Variants in PLCL1 observed in about 807,000 individuals in gnomAD.
The protein encoded by PLCL1 is phospholipase C like 1 (inactive), also known as inactive phospholipase C-like protein 1.
PLCL1 carries 41 observed loss-of-function variants against 84.4 expected under a neutral mutation model. The observed-to-expected ratio is 0.49, with a 90% CI of 0.38 to 0.63. PLCL1 has a LOEUF of 0.63. Among genes scored for constraint, PLCL1 ranks in the 30% least tolerant of loss-of-function variants. The probability of loss-of-function intolerance (pLI) is 0.00; values close to 1 mark genes in which losing one functional copy is unlikely to be tolerated. For missense variants in PLCL1, 1,206 were observed against 1,367.8 expected (o/e 0.88, Z 1.87); for synonymous variants, 490 against 488.3 (o/e 1.00, Z -0.05).
intron 1 of PLCL1, among the ~76,000 whole-genome samples, chr2:198,041,572 C>G (rs1349043929): frequency 6.6e-6 from 1 of 152,084 alleles, no homozygotes; most frequent in Non-Finnish European, 1.5e-5. Context: ...ATGTAGGTTA[C>G]AGTGTTTGTG....
At chr2:198,030,200 G>T (rs564542850) in intron 1 of PLCL1, among the ~76,000 whole-genome samples, 2 of 151,360 alleles carry the variant, frequency 1.3e-5, no homozygotes, top group Non-Finnish European at 2.9e-5. Flanking sequence ...AGTATATGTT[G>T]TTCCCCTATA....
At chr2:198,146,358 G>A (rs912550153) in intron 5 of PLCL1, among the ~76,000 whole-genome samples, 1 of 152,150 alleles carries the variant, frequency 6.6e-6, no homozygotes, top group Non-Finnish European at 1.5e-5. Flanking sequence ...TGTACAGAGG[G>A]GGAGATTTTA....
chr2:198,109,631 C>T (rs1296591857), intron 5 of PLCL1, among the ~76,000 whole-genome samples: 2 of 151,844 alleles, frequency 1.3e-5, no homozygotes, highest in Non-Finnish European at 2.9e-5. Flanking sequence ...TACACTATAT[C>T]ACTGATAAAA....
chr2:198,089,620 C>T (rs1235670864), intron 3 of PLCL1, among the ~76,000 whole-genome samples: 2 of 152,086 alleles, frequency 1.3e-5, no homozygotes, highest in East Asian at 1.9e-4. Context: ...ATCATGTTTG[C>T]TTTTATTTCA....
chr2:198,105,899 ATATGCCACTTTTTATATTTTC>A (rs1693462758), intron 5 of PLCL1, among the ~76,000 whole-genome samples: 1 of 151,938 alleles, frequency 6.6e-6, no homozygotes. Flanking sequence ...TTTGAAGTAA[ATATGCCACTTTTTATATTTTC>A]TTACATGAAA....
intron 1 of PLCL1, among the ~76,000 whole-genome samples, chr2:197,960,180 T>C (rs1305519563): frequency 2.0e-5 from 3 of 152,026 alleles, no homozygotes; most frequent in Non-Finnish European, 2.9e-5. Context: ...TACTTCTTTT[T>C]CATAGGAGGT....
At chr2:198,105,106 A>G (rs531938658) in intron 5 of PLCL1, among the ~76,000 whole-genome samples, 38 of 152,190 alleles carry the variant, frequency 2.5e-4, no homozygotes, top group Non-Finnish European at 3.5e-4. Flanking sequence ...CTATGTCCAG[A>G]ATGGTATTTC....
At chr2:198,058,992 A>G (rs1267162250) in intron 1 of PLCL1, among the ~76,000 whole-genome samples, 2 of 152,212 alleles carry the variant, frequency 1.3e-5, no homozygotes, top group African/African-American at 2.4e-5. Flanking sequence ...TGTGGGTGTC[A>G]TTGATATATA....
Position 198,006,547 on chromosome 2 carries a change from T to C in PLCL1, c.241-77211T>C, listed in dbSNP as rs141021302. Among the ~76,000 whole-genome samples, 536 of 152,302 alleles carry C rather than the reference T, an allele frequency of 3.5e-3. 4 individuals carry two copies. Among genetic ancestry groups the C allele is most frequent in the African/African-American group, 0.013 (524 of 41,580 alleles). On this transcript the variant is annotated intron_variant, in intron 1 of 5. Transcript: ENST00000428675. ...GTTTTTAGTCATTGCATGTATAATG[T>C]TTATATTTATGTTTATTCGCAGTTT...
chr2:198,058,856 A>G (rs1466922047), intron 1 of PLCL1, among the ~76,000 whole-genome samples: 1 of 152,152 alleles, frequency 6.6e-6, no homozygotes, highest in Non-Finnish European at 1.5e-5. Flanking sequence ...TGAAGACAGA[A>G]TTAAAATTAT....
intron 1 of PLCL1, among the ~76,000 whole-genome samples, chr2:197,845,691 T>C (rs1337193632): frequency 1.3e-5 from 2 of 152,122 alleles, no homozygotes; most frequent in Non-Finnish European, 2.9e-5. Flanking sequence ...CCATAATATG[T>C]AGGTGATTAT....
At chr2:198,010,110 A>G (rs974123086) in intron 1 of PLCL1, among the ~76,000 whole-genome samples, 2 of 151,974 alleles carry the variant, frequency 1.3e-5, no homozygotes, top group African/African-American at 4.8e-5. Flanking sequence ...GTCATTTGTG[A>G]GCAGAGACAA....
At chr2:197,850,031 G>GACAC (rs5837563) in intron 1 of PLCL1, among the ~76,000 whole-genome samples, 2,894 of 134,960 alleles carry the variant, frequency 0.021, 58 homozygotes, top group East Asian at 0.046. Context: ...GACACACACA[G>GACAC]ACACACACAC....
chr2:197,804,976 G>C lies in PLCL1; in HGVS notation c.-124G>C. On this transcript the variant is annotated 5_prime_UTR_variant, in exon 1 of 6. Coordinates refer to ENST00000428675, the MANE Select transcript of PLCL1 (RefSeq NM_006226.4). ...CGCCGCCGCCGCCGCCACTGCCGCC[G>C]CTGGGCGGTGAAACAAAGTCTGGCG... The C allele has an allele frequency of 8.3e-7, 1 of 1,211,020 alleles. No homozygotes were observed. The highest frequency in any genetic ancestry group is 1.1e-6 in the Non-Finnish European group (1 of 906,916). The allele number at this position is 1,211,020 out of a possible 1,614,324, so 75.0% of individuals were successfully genotyped here. A position where few individuals can be genotyped will look rare whatever the true frequency, so the allele number is the denominator to read the frequency against.
At chr2:197,822,790 C>T (rs756678521) in intron 1 of PLCL1, among the ~76,000 whole-genome samples, 30 of 152,258 alleles carry the variant, frequency 2.0e-4, no homozygotes, top group Middle Eastern at 3.4e-3. Context: ...GTTTTACCTT[C>T]CTTCTTTTGG....
At chr2:197,875,864 G>A (rs1687723302) in intron 1 of PLCL1, among the ~76,000 whole-genome samples, 1 of 152,166 alleles carries the variant, frequency 6.6e-6, no homozygotes, top group South Asian at 2.1e-4. Context: ...AGACAGGCTG[G>A]TATTGCAGTC....
At chr2:198,020,361 T>C (rs1208800798) in intron 1 of PLCL1, among the ~76,000 whole-genome samples, 2 of 152,172 alleles carry the variant, frequency 1.3e-5, no homozygotes, top group Non-Finnish European at 2.9e-5. Context: ...AGCATTATAA[T>C]GACAGGATCA....
intron 1 of PLCL1, among the ~76,000 whole-genome samples, chr2:197,851,599 A>G (rs1687239471): frequency 6.6e-6 from 1 of 152,234 alleles, no homozygotes; most frequent in South Asian, 2.1e-4. Flanking sequence ...TACAAGTGAT[A>G]AGAAAGAGAA....
At chr2:197,987,903 T>G (rs1465770818) in intron 1 of PLCL1, among the ~76,000 whole-genome samples, 2 of 152,168 alleles carry the variant, frequency 1.3e-5, no homozygotes, top group African/African-American at 4.8e-5. Flanking sequence ...TTTCATTTTC[T>G]TATGTTGGAG....
Sources: allele counts gnomAD v4.1 joint callset (sites outside exome capture counted in the v4.1 genomes callset), GRCh38; gene constraint gnomAD v4.1.1; transcripts MANE v1.5; gene names NCBI Gene and HGNC (gene_info 2026-07-23, HGNC 2026-07-21).